RAPGEF6: variants seen among roughly 807,000 people sequenced by gnomAD.
The protein encoded by RAPGEF6 is PDZ domain containing guanine nucleotide exchange factor (GEF) 2.
RAPGEF6 carries 56 observed loss-of-function variants against 171.4 expected under a neutral mutation model. That is an observed-to-expected ratio of 0.33 (90% CI 0.26 to 0.41). RAPGEF6 has a LOEUF of 0.41. RAPGEF6 is among the 10% of genes least tolerant of loss of function. RAPGEF6 has a pLI of 1.00. For missense variants in RAPGEF6, 1,674 were observed against 1,921.4 expected, an observed-to-expected ratio of 0.87 and a Z score of 2.41; for synonymous variants, 692 against 650.1, an observed-to-expected ratio of 1.06 and a Z score of -0.98.
chr5:131,445,798 T>C (rs538980710), intron 22 of RAPGEF6, among the ~76,000 whole-genome samples: 3 of 152,092 alleles, frequency 2.0e-5, no homozygotes, highest in African/African-American at 7.2e-5. Flanking sequence ...CAAGTGATCC[T>C]CCTGCCTAGG....
chr5:131,511,465 C>T (rs1187686205), intron 7 of RAPGEF6, among the ~76,000 whole-genome samples: 5 of 148,302 alleles, frequency 3.4e-5, no homozygotes, highest in African/African-American at 9.9e-5. Flanking sequence ...CCCTTTTTTA[C>T]TGCCAAAAAG....
chr5:131,471,906 A>C (rs1003373555), intron 17 of RAPGEF6, among the ~76,000 whole-genome samples: 2 of 152,164 alleles, frequency 1.3e-5, no homozygotes, highest in Admixed American at 6.5e-5. Context: ...TATTATAGAA[A>C]AAGGTAAGTG....
chr5:131,617,341 C>T (rs150998524), intron 1 of RAPGEF6, among the ~76,000 whole-genome samples: 33 of 152,258 alleles, frequency 2.2e-4, no homozygotes, highest in African/African-American at 7.5e-4. Context: ...TGGAGACAAC[C>T]GTGTTTAAAT....
intron 17 of RAPGEF6, among the ~76,000 whole-genome samples, chr5:131,470,349 T>C (rs906974465): frequency 3.3e-5 from 5 of 152,184 alleles, no homozygotes; most frequent in African/African-American, 1.2e-4. Flanking sequence ...GTAACACACC[T>C]TTTCTTTATA....
chr5:131,495,391 T>C (rs77450655), intron 13 of RAPGEF6, among the ~76,000 whole-genome samples, 162 bp downstream of exon 13: 4,062 of 152,042 alleles, frequency 0.027, 191 homozygotes, highest in African/African-American at 0.092. Flanking sequence ...TTAATTGAGG[T>C]GGCAGAGAAT....
At chr5:131,629,164 T>G (rs1766132291) in intron 1 of RAPGEF6, among the ~76,000 whole-genome samples, 1 of 152,166 alleles carries the variant, frequency 6.6e-6, no homozygotes, top group Non-Finnish European at 1.5e-5. Flanking sequence ...CTTGAAATGA[T>G]TCATCATTCC....
chr5:131,564,658 T>C (rs1439562757), intron 4 of RAPGEF6, among the ~76,000 whole-genome samples: 3 of 151,818 alleles, frequency 2.0e-5, no homozygotes, highest in Admixed American at 6.6e-5. Flanking sequence ...ATATAATCCA[T>C]AACCAAGAGA....
rs116176017 is a variant in RAPGEF6 at position 131,570,620 on chromosome 5, T to C, written c.282-8573A>G. ...TCAACAATTTAAAAAATGGACATGC[T>C]AGAATTGATATGTGCTAAAACATGG... On this transcript the variant is annotated intron_variant, in intron 4 of 27. Transcript: ENST00000509018. Among the ~76,000 whole-genome samples the C allele has an allele frequency of 5.0e-3, 764 of 152,288 alleles. 11 individuals carry two copies. Among genetic ancestry groups the C allele is most frequent in the African/African-American group, 0.018 (732 of 41,572 alleles).
intron 1 of RAPGEF6, among the ~76,000 whole-genome samples, chr5:131,609,594 T>A (rs1374904916): frequency 1.3e-5 from 2 of 152,148 alleles, no homozygotes; most frequent in African/African-American, 2.4e-5. Flanking sequence ...TCCAACAATA[T>A]AAACTTCCAC....
intron 6 of RAPGEF6, 100 bp from the exon 7 acceptor site, chr5:131,521,621 T>A (rs1758486385): frequency 9.1e-7 from 1 of 1,100,942 alleles, no homozygotes; most frequent in Admixed American, 3.2e-5. Context: ...TACTGTGCAA[T>A]CTCTTTTTTA....
intron 7 of RAPGEF6, among the ~76,000 whole-genome samples, chr5:131,514,418 A>G (rs1295810222): frequency 1.2e-5 from 1 of 84,462 alleles, no homozygotes; most frequent in Non-Finnish European, 3.6e-5. Flanking sequence ...TAATTAGGTA[A>G]GAATTTTTTT....
intron 12 of RAPGEF6, among the ~76,000 whole-genome samples, chr5:131,496,613 T>C (rs1756656867): frequency 1.3e-5 from 2 of 152,356 alleles, no homozygotes; most frequent in South Asian, 4.1e-4. Flanking sequence ...ATACAATACC[T>C]AGCCTTTTGT....
chr5:131,446,407 T>C, intron 22 of RAPGEF6, 76 bp downstream of exon 22: 1 of 1,349,850 alleles, frequency 7.4e-7, no homozygotes. Flanking sequence ...TCTTGGGACT[T>C]AGGTATAATT....
chr5:131,522,017 G>A (rs984381497), intron 6 of RAPGEF6, among the ~76,000 whole-genome samples: 1 of 152,064 alleles, frequency 6.6e-6, no homozygotes, highest in Non-Finnish European at 1.5e-5. Flanking sequence ...CAAGACTTAA[G>A]ACCAGTAACA....
chr5:131,562,233 T>C (rs1761649974), intron 4 of RAPGEF6, among the ~76,000 whole-genome samples, 186 bp from the exon 5 acceptor site: 1 of 151,966 alleles, frequency 6.6e-6, no homozygotes. Context: ...CTCTTAATTG[T>C]CCAGATATAA....
intron 4 of RAPGEF6, among the ~76,000 whole-genome samples, chr5:131,564,617 C>T (rs1215283758): frequency 6.6e-6 from 1 of 151,924 alleles, no homozygotes; most frequent in Non-Finnish European, 1.5e-5. Context: ...AAACAAGCAA[C>T]AACAAACCAG....
chr5:131,433,346 G>T, intron 25 of RAPGEF6, 84 bp downstream of exon 25: 2 of 1,170,618 alleles, frequency 1.7e-6, no homozygotes, highest in South Asian at 1.3e-5. Context: ...CCCCATGGGA[G>T]GTCCAAGGTC....
chr5:131,564,844 AT>A (rs1452278611), intron 4 of RAPGEF6, among the ~76,000 whole-genome samples: 1 of 152,214 alleles, frequency 6.6e-6, no homozygotes, highest in African/African-American at 2.4e-5. Flanking sequence ...CAAATCACAT[AT>A]GCAGACACAT....
intron 15 of RAPGEF6, among the ~76,000 whole-genome samples, chr5:131,486,928 C>T (rs1379191886): frequency 2.0e-5 from 3 of 152,078 alleles, no homozygotes; most frequent in Admixed American, 2.0e-4. Context: ...TAGGTCTCTA[C>T]CACACCCTCT....
Sources: allele counts gnomAD v4.1 joint callset (sites outside exome capture counted in the v4.1 genomes callset), GRCh38; gene constraint gnomAD v4.1.1; transcripts MANE v1.5; gene names NCBI Gene and HGNC (gene_info 2026-07-23, HGNC 2026-07-21).